Variants in CNKSR2 observed in about 807,000 individuals in gnomAD.
The protein encoded by CNKSR2 is connector enhancer of kinase suppressor of Ras 2, also known as CNK homolog protein 2.
CNKSR2 carries 14 observed loss-of-function variants against 84.4 expected under a neutral mutation model. The ratio of observed to expected loss-of-function variants is 0.17; its 90% CI spans 0.11 to 0.26. The LOEUF is 0.26. Ranked by LOEUF, CNKSR2 falls within the 10% of genes least tolerant of loss-of-function variation. The pLI is 1.00. For synonymous variants in CNKSR2, 275 were observed against 277.9 expected, an observed-to-expected ratio of 0.99 and a Z score of 0.10; for missense variants, 485 against 771.2, an observed-to-expected ratio of 0.63 and a Z score of 4.40.
chrX:21,497,518 A>G (rs994576989), intron 6 of CNKSR2, among the ~76,000 whole-genome samples: 1 of 111,343 alleles, frequency 9.0e-6, no homozygotes, highest in Non-Finnish European at 1.9e-5. Flanking sequence ...TTGAATTACC[A>G]TGCTGCATTT....
chrX:21,520,001 T>TA (rs984558852), intron 9 of CNKSR2, among the ~76,000 whole-genome samples: 6 of 111,590 alleles, frequency 5.4e-5, no homozygotes, highest in African/African-American at 1.9e-4. Flanking sequence ...GTTTTATTTC[T>TA]AAAAATACTA....
At chrX:21,416,449 C>G (rs1372520485) in intron 1 of CNKSR2, among the ~76,000 whole-genome samples, 1 of 111,094 alleles carries the variant, frequency 9.0e-6, no homozygotes, top group Non-Finnish European at 1.9e-5. Flanking sequence ...ATACTTGCCT[C>G]ATGTAATGAG....
At chrX:21,436,162 T>C (rs1443916063) in intron 3 of CNKSR2, among the ~76,000 whole-genome samples, 1 of 111,639 alleles carries the variant, frequency 9.0e-6, no homozygotes, top group African/African-American at 3.3e-5. Flanking sequence ...TTATTTTCTC[T>C]CATGTGCTCA....
chrX:21,612,953 G>T (rs1481935076), intron 20 of CNKSR2, among the ~76,000 whole-genome samples: 1 of 112,029 alleles, frequency 8.9e-6, no homozygotes, highest in Non-Finnish European at 1.9e-5. Context: ...GAAATGGATG[G>T]TACTAAAAGT....
chrX:21,420,664 A>G (rs1025694785), intron 1 of CNKSR2, among the ~76,000 whole-genome samples: 1 of 110,635 alleles, frequency 9.0e-6, no homozygotes, highest in African/African-American at 3.3e-5. Context: ...GGACCAGGGT[A>G]TGTCTAGGAA....
At chrX:21,550,264 C>T (rs2092073924) in intron 11 of CNKSR2, among the ~76,000 whole-genome samples, 1 of 111,907 alleles carries the variant, frequency 8.9e-6, no homozygotes, top group African/African-American at 3.3e-5. Context: ...AGGATATGAA[C>T]AGACACTTCT....
chrX:21,626,329 A>G (rs2092623760), intron 20 of CNKSR2, among the ~76,000 whole-genome samples: 1 of 110,143 alleles, frequency 9.1e-6, no homozygotes, highest in African/African-American at 3.3e-5. Context: ...TATGGTATTT[A>G]GTGTAGATGA....
At chrX:21,523,715 C>G (rs1004347695) in intron 9 of CNKSR2, among the ~76,000 whole-genome samples, 1 of 110,483 alleles carries the variant, frequency 9.1e-6, no homozygotes, top group Non-Finnish European at 1.9e-5. Context: ...TGCATTTTCA[C>G]AAACTTAAAT....
intron 9 of CNKSR2, among the ~76,000 whole-genome samples, chrX:21,522,278 G>C (rs978064709): frequency 9.0e-6 from 1 of 110,821 alleles, no homozygotes; most frequent in South Asian, 3.7e-4. Flanking sequence ...TAAATGGCCA[G>C]GTTTTATACT....
chrX:21,599,383 TGA>T (rs61519227), intron 17 of CNKSR2, among the ~76,000 whole-genome samples: 3,107 of 93,443 alleles, frequency 0.033, 156 homozygotes, highest in African/African-American at 0.11. Context: ...TGTGTGTGTG[TGA>T]GATGGAGTCT....
At chrX:21,466,952 G>A (rs778626706) in intron 4 of CNKSR2, among the ~76,000 whole-genome samples, 12 of 111,439 alleles carry the variant, frequency 1.1e-4, no homozygotes, top group Middle Eastern at 4.6e-3. Flanking sequence ...CTAGCAAGCC[G>A]ATCTTGCTGA....
intron 11 of CNKSR2, 57 bp downstream of exon 11, chrX:21,532,124 A>G (rs2091891667): frequency 3.3e-6 from 3 of 896,866 alleles, no homozygotes; most frequent in Non-Finnish European, 4.6e-6. Context: ...AGGAATCTCA[A>G]TTTCCTTTAA....
chrX:21,567,602 T>C (rs1845340085), intron 13 of CNKSR2, among the ~76,000 whole-genome samples: 1 of 111,903 alleles, frequency 8.9e-6, no homozygotes, highest in Non-Finnish European at 1.9e-5. Flanking sequence ...CTTGCTTGCT[T>C]CCTTTCCCTG....
chrX:21,597,492 A>C (rs902153402), intron 17 of CNKSR2, among the ~76,000 whole-genome samples: 1 of 111,955 alleles, frequency 8.9e-6, no homozygotes, highest in African/African-American at 3.2e-5. Context: ...CAAAATACTG[A>C]ATTTTATTTT....
At chrX:21,593,914 C>T (rs779148374) in intron 15 of CNKSR2, 2 of 111,657 alleles carry the variant, frequency 1.8e-5, no homozygotes, top group African/African-American at 6.5e-5. Context: ...AGCAGTGTGG[C>T]AGTACCTCAA....
At chrX:21,421,530 G>A (rs1414473776) in intron 1 of CNKSR2, among the ~76,000 whole-genome samples, 3 of 110,036 alleles carry the variant, frequency 2.7e-5, no homozygotes, top group Non-Finnish European at 3.8e-5. Flanking sequence ...TGGACACTTG[G>A]GTTGCTTCCA....
At chrX:21,388,034 G>A (rs1375300884) in intron 1 of CNKSR2, among the ~76,000 whole-genome samples, 1 of 110,023 alleles carries the variant, frequency 9.1e-6, no homozygotes, top group African/African-American at 3.3e-5. Flanking sequence ...CGAGTAGCTG[G>A]GACTACAGGC....
chrX:21,517,267 C>T (rs1260368077), intron 9 of CNKSR2, among the ~76,000 whole-genome samples: 1 of 110,048 alleles, frequency 9.1e-6, no homozygotes. Context: ...CGCCTGTAGT[C>T]CCAGCTATGT....
intron 20 of CNKSR2, chrX:21,645,895 T>G (rs773760448): frequency 9.0e-6 from 1 of 111,708 alleles, no homozygotes; most frequent in Non-Finnish European, 1.9e-5. Context: ...TAAAAGAAAA[T>G]AAAGGTCTGT....
Sources: allele counts gnomAD v4.1 joint callset (sites outside exome capture counted in the v4.1 genomes callset), GRCh38; gene constraint gnomAD v4.1.1; transcripts MANE v1.5; gene names NCBI Gene and HGNC (gene_info 2026-07-23, HGNC 2026-07-21).